Variants in PI4KA observed in about 807,000 individuals in gnomAD.
The protein encoded by PI4KA is phosphatidylinositol 4-kinase alpha.
PI4KA carries 122 observed loss-of-function variants against 271.4 expected under a neutral mutation model. That is an observed-to-expected ratio of 0.45 (90% confidence interval 0.39 to 0.52). PI4KA has a LOEUF of 0.52. Ranked by LOEUF, PI4KA falls within the 20% of genes least tolerant of loss-of-function variation. PI4KA has a pLI of 0.00. For missense variants in PI4KA, 1,969 were observed against 2,769.1 expected (o/e 0.71, Z 6.48); for synonymous variants, 1,041 against 1,078.8 (o/e 0.96, Z 0.69).
intron 3 of PI4KA, among the ~76,000 whole-genome samples, chr22:20,825,909 G>T (rs765292473): frequency 6.6e-6 from 1 of 152,116 alleles, no homozygotes; most frequent in Non-Finnish European, 1.5e-5. Flanking sequence ...GTAGGCCCCA[G>T]TGTCTGCTGT....
At chr22:20,793,304 A>C (rs577071350) in intron 18 of PI4KA, 61 bp from the exon 19 acceptor site, 76 of 940,754 alleles carry the variant, frequency 8.1e-5, no homozygotes, top group Non-Finnish European at 1.1e-4. Flanking sequence ...AAAAAAAAAA[A>C]ACACAAGATA....
At position 20,729,285 on chromosome 22, in the gene PI4KA, T is replaced by G. The variant is rs773744143; in HGVS notation, c.4682+28A>C. 2.5e-6 allele frequency: 4 copies of G among 1,599,342 alleles called. No individual in the cohort carries two copies. The Admixed American group carries it at 5.0e-5, about 20-fold the overall frequency. On this transcript the variant is annotated intron_variant, in intron 39 of 54. Transcript: ENST00000255882. ...TGCGCTGGACCTCTGGTGAGGCCTGTGTCAGGCTGTGGTGCCCGGGGGCCC... is the reference window on the plus strand; with the variant it reads ...TGCGCTGGACCTCTGGTGAGGCCTGGGTCAGGCTGTGGTGCCCGGGGGCCC...
At chr22:20,813,790 C>A (rs2147662748) in intron 7 of PI4KA, among the ~76,000 whole-genome samples, 1 of 152,098 alleles carries the variant, frequency 6.6e-6, no homozygotes, top group Non-Finnish European at 1.5e-5. Flanking sequence ...AGAATTGTAT[C>A]TTTTTTATTT....
Position 20,846,999 on chromosome 22 carries a change from T to C in PI4KA, c.157-8268A>G, listed in dbSNP as rs1037099188. ...CGTCTCTACTAAAAATACAAAAAAA[T>C]TAGCTGGGTGTGGTGCAACGCGCCT... On this transcript the variant is annotated intron_variant, in intron 1 of 54. Transcript: ENST00000255882. 2.2e-4 allele frequency among the ~76,000 whole-genome samples: 34 copies of C among 151,478 alleles called. 1 individual carries two copies. Among genetic ancestry groups the C allele is most frequent in the African/African-American group, 7.8e-4 (32 of 41,250 alleles).
At chr22:20,802,405 T>G (rs1039936421) in intron 13 of PI4KA, among the ~76,000 whole-genome samples, 2 of 152,240 alleles carry the variant, frequency 1.3e-5, no homozygotes, top group Non-Finnish European at 2.9e-5. Flanking sequence ...TGAGGGCGAC[T>G]GAGGCATGGC....
At chr22:20,812,577 T>C (rs1921202182) in intron 8 of PI4KA, among the ~76,000 whole-genome samples, 1 of 152,126 alleles carries the variant, frequency 6.6e-6, no homozygotes, top group African/African-American at 2.4e-5. Context: ...TTTTTTGAGA[T>C]GGAGTCTCAC....
chr22:20,824,512 G>A (rs976155644), intron 3 of PI4KA, 98 bp from the exon 4 acceptor site: 26 of 779,432 alleles, frequency 3.3e-5, no homozygotes, highest in African/African-American at 3.0e-4. Context: ...ACCATGACCT[G>A]CCAAGGGACC....
rs769685578 is a variant in PI4KA, at chr22:20,730,029, G to T, written c.4289-18C>A. ...CTGATTATCTGAGGGCAAACACATT[G>T]TTGATTCTAGAGTGAGGTGGCTCAA... On this transcript the variant is annotated intron_variant, in intron 36 of 54. Transcript: ENST00000255882. 2 of 1,613,638 alleles carry T rather than the reference G, an allele frequency of 1.2e-6. No individual in the cohort carries two copies. Among genetic ancestry groups the T allele is most frequent in the Non-Finnish European group, 1.7e-6 (2 of 1,179,726 alleles).
chr22:20,710,956 G>C (rs1925196403), intron 51 of PI4KA, 98 bp from the exon 52 acceptor site: 1 of 1,368,332 alleles, frequency 7.3e-7, no homozygotes, highest in East Asian at 2.3e-5. Flanking sequence ...TGCAACAGGA[G>C]CACCCCCTCC....
intron 19 of PI4KA, chr22:20,784,234 C>T: frequency 6.2e-7 from 1 of 1,614,128 alleles, no homozygotes; most frequent in South Asian, 1.1e-5. Flanking sequence ...GGCAAAAAAG[C>T]ATGACAAACA....
chr22:20,818,426 T>C lies in PI4KA; in HGVS notation c.856+57A>G, dbSNP rs1016503654. On this transcript the variant is annotated intron_variant, in intron 7 of 54. Transcript: ENST00000255882. ...CATCCTTAATATCACGAGAAGTCAC[T>C]GTGAGCCTGTTCTCCAAGTATTACG... 1.1e-5 allele frequency: 15 copies of C among 1,343,430 alleles called. No homozygotes were observed. In the South Asian group the frequency reaches 1.3e-4, roughly 12 times the overall value. 83.2% of individuals were successfully genotyped at this position (1,343,430 alleles called of 1,614,324 possible).
chr22:20,797,588 A>C (rs1935058702), intron 17 of PI4KA, among the ~76,000 whole-genome samples: 1 of 152,198 alleles, frequency 6.6e-6, no homozygotes, highest in Non-Finnish European at 1.5e-5. Context: ...TGGCAGCAAG[A>C]AGGCAATGAA....
chr22:20,813,556 G>T (rs1921352711), intron 7 of PI4KA, 50 bp from the exon 8 acceptor site: 4 of 1,580,140 alleles, frequency 2.5e-6, no homozygotes, highest in Non-Finnish European at 3.5e-6. Flanking sequence ...GGCAACTAGG[G>T]TACTTCCTCA....
At chr22:20,807,324 T>C (rs1178499231) in intron 10 of PI4KA, 38 bp downstream of exon 10, 1 of 1,287,456 alleles carries the variant, frequency 7.8e-7, no homozygotes, top group Non-Finnish European at 1.1e-6. Context: ...GGAGCCAGTC[T>C]TGCTGTACTC....
intron 9 of PI4KA, among the ~76,000 whole-genome samples, chr22:20,808,490 G>A (rs1236864642): frequency 1.8e-5 from 2 of 109,312 alleles, no homozygotes; most frequent in Admixed American, 1.9e-4. Flanking sequence ...CTACTAAGGA[G>A]GCTGAGGCAG....
At chr22:20,807,684 G>A (rs905744529) in intron 9 of PI4KA, among the ~76,000 whole-genome samples, 2 of 152,182 alleles carry the variant, frequency 1.3e-5, no homozygotes, top group African/African-American at 4.8e-5. Context: ...CTGCGGGGGA[G>A]CAGCCATCTG....
At chr22:20,803,570 G>A (rs934892830) in intron 12 of PI4KA, among the ~76,000 whole-genome samples, 7 of 152,192 alleles carry the variant, frequency 4.6e-5, no homozygotes, top group African/African-American at 1.2e-4. Flanking sequence ...TGTCGCCCAG[G>A]CTGGAGTGCA....
chr22:20,772,710 TCTC>T (rs1932933207), intron 19 of PI4KA, among the ~76,000 whole-genome samples: 1 of 152,250 alleles, frequency 6.6e-6, no homozygotes, highest in Non-Finnish European at 1.5e-5. Context: ...TGAGGAGCAG[TCTC>T]TGTGATAAGC....
intron 45 of PI4KA, among the ~76,000 whole-genome samples, chr22:20,716,073 C>T (rs1925969417): frequency 6.6e-6 from 1 of 150,872 alleles, no homozygotes; most frequent in Admixed American, 6.6e-5. Flanking sequence ...TTTTTTGAGA[C>T]CAAGTCTTGC....
Sources: gnomAD v4.1 joint callset for allele counts (sites outside exome capture counted in the v4.1 genomes callset) on GRCh38, gnomAD v4.1.1 for gene constraint, MANE v1.5 for transcripts, NCBI Gene and HGNC (gene_info 2026-07-23, HGNC 2026-07-21) for gene names.